The following CNTRL variants were observed in gnomAD, a reference collection of about 807,000 sequenced individuals.
The protein encoded by CNTRL is centriolin.
In CNTRL, 233 loss-of-function variants were observed where a neutral mutation model predicts 303.7. That is an observed-to-expected ratio of 0.77 (90% CI 0.69 to 0.86). CNTRL has a LOEUF of 0.86. Among genes scored for constraint, CNTRL ranks in the 40% least tolerant of loss-of-function variants. The probability of loss-of-function intolerance (pLI) is 0.00; values close to 1 mark genes in which losing one functional copy is unlikely to be tolerated. For missense variants in CNTRL, 2,524 were observed against 2,650.6 expected (o/e 0.95, Z 1.05); for synonymous variants, 900 against 922.2 (o/e 0.98, Z 0.44).
At chr9:121,104,605 TAAA>T (rs1174145948) in intron 7 of CNTRL, among the ~76,000 whole-genome samples, 3 of 150,074 alleles carry the variant, frequency 2.0e-5, no homozygotes, top group Non-Finnish European at 4.4e-5. Context: ...GACAGCTCAA[TAAA>T]AAGTGTGTAG....
chr9:121,152,131 A>ACCTCTT, intron 25 of CNTRL: 1 of 201,570 alleles, frequency 5.0e-6, no homozygotes, highest in East Asian at 1.1e-4. Context: ...CAGGCAAAAC[A>ACCTCTT]CCTCTTCCTC....
Position 121,122,789 on chromosome 9 carries a change from T to C in CNTRL, c.1651-1142T>C, listed in dbSNP as rs910598664. 2.0e-5 allele frequency among the ~76,000 whole-genome samples: 3 copies of C among 152,300 alleles called. No individual in the cohort carries two copies. In the South Asian group the frequency reaches 6.2e-4, roughly 32 times the overall value. On this transcript the variant is annotated intron_variant, in intron 12 of 43. Transcript: ENST00000373855. ...CACCTGAGAAATACAATCCATTCTTTTCAGTTAACAGTAGTTCCCTGATGC... is the reference window on the plus strand; with the variant it reads ...CACCTGAGAAATACAATCCATTCTTCTCAGTTAACAGTAGTTCCCTGATGC...
intron 8 of CNTRL, among the ~76,000 whole-genome samples, chr9:121,111,490 C>A (rs2049745553): frequency 6.6e-6 from 1 of 151,988 alleles, no homozygotes; most frequent in South Asian, 2.1e-4. Flanking sequence ...TTTCCTGGGC[C>A]TTGTAAAATG....
chr9:121,167,575 G>A lies in CNTRL; in HGVS notation c.5742G>A (p.Arg1914=). The change falls in exon 37 of 44, where the codon AGG becomes AGA. Residue 1914 remains arginine, a synonymous_variant. Coordinates refer to ENST00000373855, the MANE Select transcript of CNTRL (RefSeq NM_007018.6). ...LQKDISEWAN[R]FEDCQKEEET... Reference sequence around the variant, plus strand: ...AGGACATCAGTGAATGGGCAAATAGGTTTGAAGACTGTCAGAAAGAAGAGG... The same window carrying A: ...AGGACATCAGTGAATGGGCAAATAGATTTGAAGACTGTCAGAAAGAAGAGG... 4 of 1,614,124 alleles carry A rather than the reference G, an allele frequency of 2.5e-6. No homozygotes were observed. The Admixed American group carries it at 5.0e-5, about 20-fold the overall frequency.
chr9:121,081,564 G>T (rs1419859301), intron 2 of CNTRL, among the ~76,000 whole-genome samples: 1 of 152,090 alleles, frequency 6.6e-6, no homozygotes, highest in African/African-American at 2.4e-5. Flanking sequence ...CCCCTCCTTG[G>T]GTTCAATTAA....
intron 14 of CNTRL, 55 bp from the exon 15 acceptor site, chr9:121,135,751 A>G (rs953242448): frequency 5.1e-5 from 75 of 1,483,242 alleles, no homozygotes; most frequent in Non-Finnish European, 6.3e-5. Context: ...ATGCCTTGCA[A>G]ATGCTTAAGC....
chr9:121,161,520 T>C (rs2052854128), intron 32 of CNTRL: 1 of 329,192 alleles, frequency 3.0e-6, no homozygotes. Context: ...TGTCTGTTTA[T>C]TTATTTATAT....
rs1209974059 is a variant in CNTRL at position 121,169,830 on chromosome 9, G to A, written c.6276+14G>A. 1.9e-6 allele frequency: 3 copies of A among 1,608,068 alleles called. No homozygotes were observed. The highest frequency in any genetic ancestry group is 1.7e-6 in the Non-Finnish European group (2 of 1,176,160). On this transcript the variant is annotated intron_variant, in intron 39 of 43. Transcript: ENST00000373855. ...AAAAACCTTCTTGTGAGTACCTGCT[G>A]CCGTGGCAGTTTGTGAGGAAATGAT...
intron 4 of CNTRL, among the ~76,000 whole-genome samples, chr9:121,094,075 A>G (rs1588081100): frequency 6.6e-6 from 1 of 151,654 alleles, no homozygotes; most frequent in Non-Finnish European, 1.5e-5. Flanking sequence ...GCGCCACTGC[A>G]CTCCAGCCTG....
At chr9:121,099,844 A>G (rs1453708062) in intron 7 of CNTRL, among the ~76,000 whole-genome samples, 1 of 152,230 alleles carries the variant, frequency 6.6e-6, no homozygotes, top group Non-Finnish European at 1.5e-5. Context: ...TGAAGCCAGA[A>G]GAGAAGTTTA....
At chr9:121,141,694 GT>G in intron 18 of CNTRL, 106 bp downstream of exon 18, 2 of 1,093,308 alleles carry the variant, frequency 1.8e-6, no homozygotes, top group Non-Finnish European at 2.7e-6. Flanking sequence ...CATAATTGTT[GT>G]TATTTTCACT....
intron 25 of CNTRL, 115 bp from the exon 26 acceptor site, chr9:121,152,370 C>A (rs2052323584): frequency 2.7e-6 from 2 of 738,646 alleles, no homozygotes; most frequent in African/African-American, 1.8e-5. Flanking sequence ...AATCTACCAT[C>A]ATTTTTTGGG....
At chr9:121,083,291 CTT>C (rs2048218377) in intron 2 of CNTRL, among the ~76,000 whole-genome samples, 1 of 152,148 alleles carries the variant, frequency 6.6e-6, no homozygotes, top group Admixed American at 6.5e-5. Context: ...TGTAGTAAAA[CTT>C]AGCTTAAAAC....
chr9:121,098,350 T>C lies in CNTRL; in HGVS notation c.622-36T>C, dbSNP rs181161584. On this transcript the variant is annotated intron_variant, in intron 6 of 43. Coordinates refer to ENST00000373855, the MANE Select transcript of CNTRL (RefSeq NM_007018.6). ...CTTTAAGTATGTTATGATTTTTAAA[T>C]TAAATTATACCAATACTAATGTTAT... 6.2e-5 allele frequency: 88 copies of C among 1,411,848 alleles called. No homozygotes were observed. In the African/African-American group the frequency reaches 1.2e-3, roughly 19 times the overall value. The allele number at this position is 1,411,848 out of a possible 1,614,324, so 87.5% of individuals were successfully genotyped here. A position where few individuals can be genotyped will look rare whatever the true frequency, so the allele number is the denominator to read the frequency against.
intron 2 of CNTRL, among the ~76,000 whole-genome samples, chr9:121,087,266 C>A (rs189045378): frequency 5.3e-4 from 80 of 151,962 alleles, no homozygotes; most frequent in African/African-American, 1.9e-3. Flanking sequence ...CACTGGAAGA[C>A]GAAAAGGAGA....
At chr9:121,079,763 C>G (rs569886508) in intron 1 of CNTRL, among the ~76,000 whole-genome samples, 1 of 152,092 alleles carries the variant, frequency 6.6e-6, no homozygotes, top group South Asian at 2.1e-4. Context: ...CAAAAAAAGA[C>G]GGGGTTTTTA....
At chr9:121,138,721 C>G in intron 16 of CNTRL, 42 bp downstream of exon 16, 1 of 1,593,948 alleles carries the variant, frequency 6.3e-7, no homozygotes, top group Non-Finnish European at 8.6e-7. Flanking sequence ...ACACAGAACA[C>G]CCAAAGATGA....
intron 14 of CNTRL, among the ~76,000 whole-genome samples, chr9:121,133,115 C>T (rs2050966412): frequency 6.6e-6 from 1 of 152,234 alleles, no homozygotes; most frequent in South Asian, 2.1e-4. Context: ...CTTGAGGAGG[C>T]AGTCTGTCCG....
At position 121,162,187 on chromosome 9, in the gene CNTRL, C is replaced by G. The variant is rs141386604; in HGVS notation, c.5339C>G (p.Ser1780Trp). The G allele has an allele frequency of 6.2e-7, 1 of 1,614,038 alleles. No homozygotes were observed. Among genetic ancestry groups the G allele is most frequent in the Non-Finnish European group, 8.5e-7 (1 of 1,179,990 alleles). ...ACTGCTGAGTCCCGAGCTTTACAAT[C>G]GTGTGTTGAGTGTTTGAGCAAAGAA... ...RMTAESRALQ[S>W]CVECLSKEKE... Residue 1780 changes from serine (S) to tryptophan (W), a missense_variant, in exon 34 of 44, where the codon TCG (serine) becomes TGG (tryptophan). Transcript: ENST00000373855.
Sources: allele counts gnomAD v4.1 joint callset (sites outside exome capture counted in the v4.1 genomes callset), GRCh38; gene constraint gnomAD v4.1.1; transcripts MANE v1.5; gene names NCBI Gene and HGNC (gene_info 2026-07-23, HGNC 2026-07-21).